EIF4G3: variants seen among roughly 807,000 people sequenced by gnomAD.
The protein encoded by EIF4G3 is eIF-4-gamma 3.
A neutral mutation model predicts 186.4 loss-of-function variants in EIF4G3; 34 were observed. The ratio of observed to expected loss-of-function variants is 0.18; its 90% CI spans 0.14 to 0.24. The LOEUF is 0.24. EIF4G3 is among the 10% of genes least tolerant of loss of function. The pLI is 1.00. For missense variants in EIF4G3, 1,536 were observed against 1,948.5 expected, an observed-to-expected ratio of 0.79 and a Z score of 3.99; for synonymous variants, 673 against 679.5, an observed-to-expected ratio of 0.99 and a Z score of 0.15.
chr1:21,115,223 A>G (rs1201919999), intron 2 of EIF4G3, among the ~76,000 whole-genome samples: 2 of 152,206 alleles, frequency 1.3e-5, no homozygotes, highest in African/African-American at 2.4e-5. Flanking sequence ...TGAGACATGT[A>G]ACCCTTCCTT....
In EIF4G3 at chr1:20,813,094, T is replaced by C. The variant is rs564434237; in HGVS notation, c.4597+64A>G. 5.3e-6 allele frequency: 6 copies of C among 1,122,642 alleles called. No individual in the cohort carries two copies. The African/African-American group carries it at 6.2e-5, about 12-fold the overall frequency. 69.5% of individuals were successfully genotyped at this position (1,122,642 alleles called of 1,614,324 possible). A position where few individuals can be genotyped will look rare whatever the true frequency, so the allele number is the denominator to read the frequency against. On this transcript the variant is annotated intron_variant, in intron 35 of 36. Transcript: ENST00000602326. ...GAAAACAATGTAAAATCAAACTGTA[T>C]ACTTAGTAGTTGACATAATGGGGAT...
chr1:20,975,436 A>G (rs928455478), intron 10 of EIF4G3, among the ~76,000 whole-genome samples: 3 of 151,646 alleles, frequency 2.0e-5, no homozygotes, highest in Admixed American at 6.6e-5. Flanking sequence ...TTGAGCCTAC[A>G]TGATTGGGGA....
chr1:20,867,219 A>G (rs1319250990), intron 20 of EIF4G3, among the ~76,000 whole-genome samples: 1 of 152,196 alleles, frequency 6.6e-6, no homozygotes, highest in African/African-American at 2.4e-5. Flanking sequence ...TTCAGCATGG[A>G]AGCACTTTAA....
chr1:20,937,987 AAAC>A (rs1264751712), intron 14 of EIF4G3, among the ~76,000 whole-genome samples: 1 of 150,218 alleles, frequency 6.7e-6, no homozygotes, highest in Non-Finnish European at 1.5e-5. Flanking sequence ...TTCAATCCGA[AAAC>A]AACTGATGCT....
intron 18 of EIF4G3, among the ~76,000 whole-genome samples, chr1:20,890,044 C>G (rs950424915): frequency 3.3e-5 from 5 of 151,730 alleles, no homozygotes; most frequent in Admixed American, 1.3e-4. Flanking sequence ...GTGATCTTGG[C>G]TCACTACAGC....
chr1:20,820,075 A>G (rs912204829), intron 33 of EIF4G3, among the ~76,000 whole-genome samples: 2 of 151,614 alleles, frequency 1.3e-5, no homozygotes, highest in African/African-American at 4.8e-5. Context: ...TACTGCAGCC[A>G]CCCAAACCAT....
At chr1:20,856,097 A>G (rs747725191) in intron 25 of EIF4G3, among the ~76,000 whole-genome samples, 15 of 152,218 alleles carry the variant, frequency 9.9e-5, no homozygotes, top group African/African-American at 3.4e-4. Flanking sequence ...CTCAAATTGT[A>G]TTCAGCAATG....
At chr1:21,113,475 CT>C (rs796080792) in intron 2 of EIF4G3, among the ~76,000 whole-genome samples, 2 of 150,698 alleles carry the variant, frequency 1.3e-5, no homozygotes, top group African/African-American at 2.4e-5. Context: ...AAATATTGGG[CT>C]TTTTTTTTAA....
intron 6 of EIF4G3, among the ~76,000 whole-genome samples, chr1:20,999,951 TACTC>T (rs1207579812): frequency 1.3e-5 from 2 of 152,128 alleles, no homozygotes; most frequent in African/African-American, 4.8e-5. Flanking sequence ...CCCACCCACT[TACTC>T]ACCCCTTCTG....
At chr1:20,981,795 A>G (rs1198889144) in intron 8 of EIF4G3, among the ~76,000 whole-genome samples, 2 of 151,970 alleles carry the variant, frequency 1.3e-5, no homozygotes, top group Non-Finnish European at 2.9e-5. Flanking sequence ...ATATATGTAT[A>G]CACACATACT....
At chr1:21,147,260 CAATA>C (rs967114357) in intron 2 of EIF4G3, among the ~76,000 whole-genome samples, 103 of 151,894 alleles carry the variant, frequency 6.8e-4, no homozygotes, top group African/African-American at 2.4e-3. Flanking sequence ...GACTCCATCT[CAATA>C]AATAAATAAA....
At chr1:20,876,442 G>GT (rs2080865647) in intron 20 of EIF4G3, among the ~76,000 whole-genome samples, 2 of 91,686 alleles carry the variant, frequency 2.2e-5, no homozygotes, top group Non-Finnish European at 2.3e-5. Flanking sequence ...CATTTATTAA[G>GT]TAAAAAAAAA....
chr1:20,942,336 G>GAA lies in EIF4G3; in HGVS notation c.824-8_824-7dup. 1 of 1,524,836 alleles carries GAA rather than the reference G, an allele frequency of 6.6e-7. No homozygotes were observed. Among genetic ancestry groups the GAA allele is most frequent in the East Asian group, 2.3e-5 (1 of 43,966 alleles). 94.5% of individuals were successfully genotyped at this position (1,524,836 alleles called of 1,614,324 possible). ...ATCTGGTTTTGGCTTCTCCTCTGGG[G>GAA]AAAAAAAAATAAGTTTTAAGAATAA... On this transcript the variant is annotated splice_region_variant and splice_polypyrimidine_tract_variant and intron_variant, in intron 13 of 36. Coordinates refer to ENST00000602326, the MANE Select transcript of EIF4G3 (RefSeq NM_001391906.1).
At chr1:20,954,076 C>A (rs2096316759) in intron 12 of EIF4G3, among the ~76,000 whole-genome samples, 1 of 152,150 alleles carries the variant, frequency 6.6e-6, no homozygotes, top group Non-Finnish European at 1.5e-5. Context: ...AAGCCAGAGA[C>A]TTCAAATAGT....
intron 14 of EIF4G3, among the ~76,000 whole-genome samples, chr1:20,918,150 T>C (rs1318475747): frequency 2.6e-5 from 4 of 152,134 alleles, no homozygotes; most frequent in Admixed American, 6.5e-5. Context: ...GCACTCTGTG[T>C]CTGATATATA....
intron 26 of EIF4G3, 119 bp from the exon 27 acceptor site, chr1:20,853,796 G>A (rs997787929): frequency 7.2e-6 from 5 of 696,044 alleles, no homozygotes; most frequent in African/African-American, 1.8e-5. Flanking sequence ...CTTAGGTGAC[G>A]CCCATCTCCT....
In EIF4G3 at chr1:20,978,295, T is replaced by C. The variant is rs192546215; in HGVS notation, c.493+2039A>G. Among the ~76,000 whole-genome samples, 726 of 152,290 alleles carry C rather than the reference T, an allele frequency of 4.8e-3. 2 individuals carry two copies. The highest frequency in any genetic ancestry group is 6.3e-3 in the Non-Finnish European group (429 of 68,010). Reference sequence around the variant, plus strand: ...TGTCAAAAATTGGGTGATATATATATATATTGTGTAACTTTTAAACTCACA... The same window carrying C: ...TGTCAAAAATTGGGTGATATATATACATATTGTGTAACTTTTAAACTCACA... On this transcript the variant is annotated intron_variant, in intron 10 of 36. Coordinates refer to ENST00000602326, the MANE Select transcript of EIF4G3 (RefSeq NM_001391906.1).
At position 21,014,778 on chromosome 1, in the gene EIF4G3, C is replaced by T. The variant is rs754043319; in HGVS notation, c.-66-11970G>A. Reference sequence around the variant, plus strand: ...CCTCCCTAGTAGCTGGGATAAGAGGCATGCACTACCACACCCGGCTAGTTT... The same window carrying T: ...CCTCCCTAGTAGCTGGGATAAGAGGTATGCACTACCACACCCGGCTAGTTT... On this transcript the variant is annotated intron_variant, in intron 4 of 36. Transcript: ENST00000602326. Among the ~76,000 whole-genome samples the T allele has an allele frequency of 6.6e-5, 10 of 151,170 alleles. No individual in the cohort carries two copies. In the Admixed American group the frequency reaches 6.6e-4, roughly 10 times the overall value.
At position 21,125,668 on chromosome 1, in the gene EIF4G3, G is replaced by A. The variant is rs1216808047; in HGVS notation, c.-271-36455C>T. Among the ~76,000 whole-genome samples, 9 of 151,828 alleles carry A rather than the reference G, an allele frequency of 5.9e-5. No individual in the cohort carries two copies. The East Asian group carries it at 1.2e-3, about 20-fold the overall frequency. On this transcript the variant is annotated intron_variant, in intron 2 of 36. Coordinates refer to ENST00000602326, the MANE Select transcript of EIF4G3 (RefSeq NM_001391906.1). ...TGGGAGGCAGAGGCTGCAGTGAGCC[G>A]AGATTGTGCCATTGCACTCCAGCCT...
Sources: gnomAD v4.1 joint callset for allele counts (sites outside exome capture counted in the v4.1 genomes callset) on GRCh38, gnomAD v4.1.1 for gene constraint, MANE v1.5 for transcripts, NCBI Gene and HGNC (gene_info 2026-07-23, HGNC 2026-07-21) for gene names.